The following MYO1C variants were observed in gnomAD, a reference collection of about 807,000 sequenced individuals.
The protein encoded by MYO1C is myosin IC, also known as unconventional myosin-Ic.
A neutral mutation model predicts 150.8 loss-of-function variants in MYO1C; 104 were observed. The ratio of observed to expected loss-of-function variants is 0.69; its 90% CI spans 0.59 to 0.81. MYO1C has a LOEUF of 0.81. Ranked by LOEUF, MYO1C falls within the 30% of genes least tolerant of loss-of-function variation. MYO1C has a pLI of 0.00. For missense variants in MYO1C, 1,504 were observed against 1,435.0 expected (o/e 1.05, Z -0.78); for synonymous variants, 663 against 579.9 (o/e 1.14, Z -2.06).
chr17:1,474,191 C>A (rs1240354759), intron 17 of MYO1C, among the ~76,000 whole-genome samples: 4 of 152,074 alleles, frequency 2.6e-5, no homozygotes, highest in Non-Finnish European at 1.5e-5. Flanking sequence ...CTTTGGGAGG[C>A]CGAGGCAGGT....
Position 1,480,542 on chromosome 17 carries a change from G to A in MYO1C, c.891C>T (p.Thr297=), listed in dbSNP as rs754277973. Residue 297 remains threonine, a synonymous_variant, in exon 7 of 32, where the codon ACC becomes ACT. Transcript: ENST00000648651. The stretch of plus-strand genomic sequence containing the variant: ...GAGGCCTCACCTCCACTTCATCCTC[G>A]GTGAAATCAATGACTGTCAGAGCCT... The part of the protein sequence containing the change: ...VRKALTVIDF[T]EDEVEDLLSI... 6.2e-6 allele frequency: 10 copies of A among 1,613,890 alleles called. No homozygotes were observed. Among genetic ancestry groups the A allele is most frequent in the South Asian group, 2.2e-5 (2 of 91,082 alleles).
rs749196637 is a variant in MYO1C at position 1,480,575 on chromosome 17, G to A, written c.858C>T (p.Val286=). The change falls in exon 7 of 32, where the codon GTC becomes GTT. Residue 286 remains valine (V), a synonymous_variant. Transcript: ENST00000648651. ...SSINDKSDWK[V]VRKALTVIDF... ...CAATGACTGTCAGAGCCTTCCTGAC[G>A]ACCTTCCAGTCACTCTTGTCGTTGA... 13 of 1,614,006 alleles carry A rather than the reference G, an allele frequency of 8.1e-6. No individual in the cohort carries two copies. The highest frequency in any genetic ancestry group is 1.6e-4 in the Middle Eastern group (1 of 6,084).
In MYO1C at chr17:1,474,795, C is replaced by T. The variant is rs1476966782; in HGVS notation, c.1716+17G>A. ...GCTATCCCCACCCCCACCCCGGCCT[C>T]CCCACGTCCTCCTCACCTCCTTAAG... On this transcript the variant is annotated intron_variant, in intron 16 of 31. Transcript: ENST00000648651. 1 of 1,613,104 alleles carries T rather than the reference C, an allele frequency of 6.2e-7. No homozygotes were observed. The highest frequency in any genetic ancestry group is 2.2e-5 in the East Asian group (1 of 44,878).
Position 1,479,750 on chromosome 17 carries a change from G to A in MYO1C, c.907-45C>T, listed in dbSNP as rs767581300. Reference sequence around the variant, plus strand: ...GCAGGAGGGGGTGAGAGGGGCCAGAGAGCCCCAAGAGGGCAACTAGCAGAT... The same window carrying A: ...GCAGGAGGGGGTGAGAGGGGCCAGAAAGCCCCAAGAGGGCAACTAGCAGAT... On this transcript the variant is annotated intron_variant, in intron 7 of 31. Transcript: ENST00000648651. This position sits in a 1 kb window ranked among gnomAD's most constrained non-coding sequence, Gnocchi z 4.2. 2.1e-6 allele frequency: 3 copies of A among 1,432,830 alleles called. No individual in the cohort carries two copies. The highest frequency in any genetic ancestry group is 4.8e-5 in the East Asian group (2 of 41,906). 88.8% of individuals were successfully genotyped at this position (1,432,830 alleles called of 1,614,324 possible).
rs766542973 is a variant in MYO1C, at chr17:1,478,666, G to A, written c.1162C>T (p.Arg388Cys). Residue 388 changes from arginine (R) to cysteine (C), a missense_variant, in exon 10 of 32, where the codon CGC (arginine) becomes TGC (cysteine). Coordinates refer to ENST00000648651, the MANE Select transcript of MYO1C (RefSeq NM_001080779.2). The surrounding 1 kb of genome is among the most constrained non-coding windows in gnomAD (Gnocchi z 6.3). ...RDALAKAVYSRTFTWLVGKIN... is the reference protein window; with the variant it reads ...RDALAKAVYSCTFTWLVGKIN... ...TTCCCGACGAGCCAGGTAAAAGTGC[G>A]GCTGTACACAGCCTTGGCGAGGGCG... 17 of 1,614,044 alleles carry A rather than the reference G, an allele frequency of 1.1e-5. No homozygotes were observed. Among genetic ancestry groups the A allele is most frequent in the Middle Eastern group, 1.6e-4 (1 of 6,084 alleles).
chr17:1,468,819 A>G, intron 25 of MYO1C: 2 of 465,076 alleles, frequency 4.3e-6, no homozygotes, highest in South Asian at 2.2e-5. Flanking sequence ...GCAGCAGATC[A>G]CTAATACTCA....
intron 1 of MYO1C, among the ~76,000 whole-genome samples, chr17:1,487,860 G>A (rs138236583): frequency 0.013 from 1,969 of 152,302 alleles, 43 homozygotes; most frequent in African/African-American, 0.046. Context: ...GACGGAGGTT[G>A]CAGTGAGCCG....
intron 1 of MYO1C, among the ~76,000 whole-genome samples, chr17:1,490,219 C>A (rs150607337): frequency 2.0e-5 from 3 of 151,728 alleles, no homozygotes; most frequent in Non-Finnish European, 2.9e-5. Context: ...ACCTCCAGGC[C>A]GGGCGCGGTG....
At position 1,479,730 on chromosome 17, in the gene MYO1C, AG is replaced by A. The variant is rs2074477022; in HGVS notation, c.907-26del. 1 of 1,544,682 alleles carries A rather than the reference AG, an allele frequency of 6.5e-7. No individual in the cohort carries two copies. Among genetic ancestry groups the A allele is most frequent in the African/African-American group, 1.4e-5 (1 of 73,286 alleles). On this transcript the variant is annotated intron_variant, in intron 7 of 31. Transcript: ENST00000648651. The surrounding 1 kb of genome is among the most constrained non-coding windows in gnomAD (Gnocchi z 4.2). ...CCTGGGGGAGCAGGCCGGGGGCAGGAGGGGGTGAGAGGGGCCAGAGAGCCCC... is the reference window on the plus strand; with the variant it reads ...CCTGGGGGAGCAGGCCGGGGGCAGGAGGGGTGAGAGGGGCCAGAGAGCCCC...
Position 1,478,522 on chromosome 17 carries a change from GC to G in MYO1C, c.1213-31del. The G allele has an allele frequency of 1.2e-6, 2 of 1,613,736 alleles. No homozygotes were observed. Among genetic ancestry groups the G allele is most frequent in the Non-Finnish European group, 8.5e-7 (1 of 1,179,874 alleles). ...GGCAGTCATTCAACCGAAGGCGTGG[GC>G]CCCCTGCGCGTGCCAGCCCCACCCT... On this transcript the variant is annotated intron_variant, in intron 10 of 31. Transcript: ENST00000648651. This position sits in a 1 kb window ranked among gnomAD's most constrained non-coding sequence, Gnocchi z 6.3.
At chr17:1,488,287 C>T (rs879855855) in intron 1 of MYO1C, among the ~76,000 whole-genome samples, 4 of 152,134 alleles carry the variant, frequency 2.6e-5, no homozygotes, top group Admixed American at 2.0e-4. Flanking sequence ...AGCCACCGCC[C>T]GGCGGCGGAA....
In MYO1C at chr17:1,470,695, G is replaced by A. The variant is rs771387343; in HGVS notation, c.2213-6C>T. 4.4e-6 allele frequency: 7 copies of A among 1,602,292 alleles called. No homozygotes were observed. The South Asian group carries it at 4.4e-5, about 10-fold the overall frequency. On this transcript the variant is annotated splice_polypyrimidine_tract_variant and splice_region_variant and intron_variant, in intron 21 of 31. Coordinates refer to ENST00000648651, the MANE Select transcript of MYO1C (RefSeq NM_001080779.2). ...GGCAGCTTGGATCTTTGTGGCTGCG[G>A]TTGGGAAAGAAAGGCAATTGGCCAG...
Position 1,492,661 on chromosome 17 carries a change from G to A in MYO1C, c.-174C>T, listed in dbSNP as rs1313621320. Reference sequence around the variant, plus strand: ...GGGATGTGGCTGGTCCAGCTCCTCAGGACACGGCTGGAGCCGTCCAGGTCT... The same window carrying A: ...GGGATGTGGCTGGTCCAGCTCCTCAAGACACGGCTGGAGCCGTCCAGGTCT... On this transcript the variant is annotated 5_prime_UTR_variant, in exon 1 of 32. Coordinates refer to ENST00000648651, the MANE Select transcript of MYO1C (RefSeq NM_001080779.2). 6.0e-6 allele frequency: 4 copies of A among 664,112 alleles called. No individual in the cohort carries two copies. In the African/African-American group the frequency reaches 7.1e-5, roughly 12 times the overall value. The allele number at this position is 664,112 out of a possible 1,614,324, so 41.1% of individuals were successfully genotyped here. A position where few individuals can be genotyped will look rare whatever the true frequency, so the allele number is the denominator to read the frequency against.
Position 1,472,185 on chromosome 17 carries a change from A to C in MYO1C, c.1841T>G (p.Ile614Ser), listed in dbSNP as rs377139392. Reference sequence around the variant, plus strand: ...GTAGGCGGGCTCCTTAGACTGCAGGATCTCCACCAGCTGCAGGAGGCTCAT... The same window carrying C: ...GTAGGCGGGCTCCTTAGACTGCAGGCTCTCCACCAGCTGCAGGAGGCTCAT... ...FKMSLLQLVE[I>S]LQSKEPAYVR... Residue 614 changes from isoleucine to serine, a missense_variant, in exon 18 of 32, where the codon ATC becomes AGC. Transcript: ENST00000648651. 8 of 1,614,070 alleles carry C rather than the reference A, an allele frequency of 5.0e-6. No homozygotes were observed. Among genetic ancestry groups the C allele is most frequent in the Admixed American group, 3.3e-5 (2 of 60,018 alleles).
chr17:1,468,331 G>A (rs2074224432), intron 26 of MYO1C, 23 bp from the exon 27 acceptor site: 14 of 1,613,976 alleles, frequency 8.7e-6, no homozygotes, highest in East Asian at 2.2e-5. Flanking sequence ...TGGCGGGGAG[G>A]GAAGTCAGTG....
At position 1,472,115 on chromosome 17, in the gene MYO1C, G is replaced by T; in HGVS notation, c.1903+8C>A. The T allele has an allele frequency of 1.2e-6, 2 of 1,613,950 alleles. No homozygotes were observed. Among genetic ancestry groups the T allele is most frequent in the Non-Finnish European group, 1.7e-6 (2 of 1,179,872 alleles). Reference sequence around the variant, plus strand: ...CCGGCCCCGAAGTCCCCCGTGGGAGGGGCCTACCGGGCTGTTTGGCATCAT... The same window carrying T: ...CCGGCCCCGAAGTCCCCCGTGGGAGTGGCCTACCGGGCTGTTTGGCATCAT... On this transcript the variant is annotated splice_region_variant and intron_variant, in intron 18 of 31. Transcript: ENST00000648651.
chr17:1,478,875 T>C lies in MYO1C; in HGVS notation c.1093-140A>G. 7.2e-7 allele frequency: 1 copy of C among 1,384,232 alleles called. No homozygotes were observed. The highest frequency in any genetic ancestry group is 9.9e-7 in the Non-Finnish European group (1 of 1,008,520). 85.7% of individuals were successfully genotyped at this position (1,384,232 alleles called of 1,614,324 possible). On this transcript the variant is annotated intron_variant, in intron 9 of 31. Transcript: ENST00000648651. The surrounding 1 kb of genome is among the most constrained non-coding windows in gnomAD (Gnocchi z 6.3). Reference sequence around the variant, plus strand: ...AAGCCTGCAGTATGGGGAGGGGTGCTGGTAGTGGGACCTCAGGGAGGACAG... The same window carrying C: ...AAGCCTGCAGTATGGGGAGGGGTGCCGGTAGTGGGACCTCAGGGAGGACAG...
chr17:1,484,340 T>C lies in MYO1C; in HGVS notation c.76-37A>G, dbSNP rs769423788. 6.2e-6 allele frequency: 10 copies of C among 1,602,974 alleles called. No homozygotes were observed. In the East Asian group the frequency reaches 1.8e-4, roughly 29 times the overall value. ...GGGCCACAGAAGAGGGTCAGAGTCA[T>C]CGGGGGCGGGGCAAGGCCACTTCCC... is the stretch of plus-strand genomic sequence containing the variant. On this transcript the variant is annotated intron_variant, in intron 1 of 31. Transcript: ENST00000648651.
chr17:1,469,161 A>G (rs945842245), intron 25 of MYO1C: 4 of 361,296 alleles, frequency 1.1e-5, no homozygotes, highest in Admixed American at 3.8e-5. Flanking sequence ...AGACCGGGGT[A>G]AACAGAGTAG....
Sources: gnomAD v4.1 joint callset for allele counts (sites outside exome capture counted in the v4.1 genomes callset) on GRCh38, gnomAD v4.1.1 for gene constraint, Gnocchi (gnomAD v3.1) non-coding constraint, MANE v1.5 for transcripts, NCBI Gene and HGNC (gene_info 2026-07-23, HGNC 2026-07-21) for gene names.